The following AGBL4 variants were observed in gnomAD, a reference collection of about 807,000 sequenced individuals.
AGBL4 encodes the protein cytosolic carboxypeptidase 6.
In AGBL4, 58 loss-of-function variants were observed where a neutral mutation model predicts 66.4. The ratio of observed to expected loss-of-function variants is 0.87; its 90% CI spans 0.71 to 1.09. The LOEUF (loss-of-function observed/expected upper bound fraction) is 1.09. AGBL4 is among the 50% of genes least tolerant of loss of function. The pLI is 0.00. For missense variants in AGBL4, 579 were observed against 631.0 expected, an observed-to-expected ratio of 0.92 and a Z score of 0.88; for synonymous variants, 234 against 222.9, an observed-to-expected ratio of 1.05 and a Z score of -0.44.
chr1:49,556,036 C>T lies in AGBL4; in HGVS notation c.282+141277G>A, dbSNP rs1653415150. ...CAACTATCCCATTACTGGGTATATA[C>T]CCAAAGGATTATAAATCATGCTGCT... is the stretch of plus-strand genomic sequence containing the variant. On this transcript the variant is annotated intron_variant, in intron 3 of 13. Coordinates refer to ENST00000371839, the MANE Select transcript of AGBL4 (RefSeq NM_032785.4). Among the ~76,000 whole-genome samples the T allele has an allele frequency of 2.0e-5, 3 of 152,198 alleles. No homozygotes were observed. In the South Asian group the frequency reaches 6.2e-4, roughly 32 times the overall value.
intron 1 of AGBL4, among the ~76,000 whole-genome samples, chr1:49,879,996 T>C (rs1326996357): frequency 4.0e-5 from 6 of 150,132 alleles, no homozygotes; most frequent in Non-Finnish European, 8.9e-5. Context: ...TCTCGAGCCT[T>C]GGTTTTCAGC....
chr1:48,954,689 A>T (rs1397791582), intron 5 of AGBL4, among the ~76,000 whole-genome samples: 1 of 152,218 alleles, frequency 6.6e-6, no homozygotes, highest in African/African-American at 2.4e-5. Flanking sequence ...AGTATGATGT[A>T]AACTTGAGCT....
intron 3 of AGBL4, among the ~76,000 whole-genome samples, chr1:49,454,568 G>T (rs1005842919): frequency 2.6e-5 from 4 of 151,716 alleles, no homozygotes; most frequent in Admixed American, 6.6e-5. Flanking sequence ...GAAAATTTGG[G>T]CTGGGATTGA....
At chr1:49,014,063 TAAA>T (rs375726378) in intron 5 of AGBL4, among the ~76,000 whole-genome samples, 1 of 152,302 alleles carries the variant, frequency 6.6e-6, no homozygotes, top group East Asian at 1.9e-4. Flanking sequence ...TCTAATGCAA[TAAA>T]AAAACCCTGA....
chr1:49,676,879 C>T (rs1227014466), intron 3 of AGBL4, among the ~76,000 whole-genome samples: 4 of 151,994 alleles, frequency 2.6e-5, no homozygotes, highest in Non-Finnish European at 4.4e-5. Context: ...TGTAACATTG[C>T]TTCTTAATAA....
chr1:50,016,025 C>T (rs1661952411), intron 1 of AGBL4, among the ~76,000 whole-genome samples: 1 of 152,070 alleles, frequency 6.6e-6, no homozygotes. Flanking sequence ...TGTAAAAACC[C>T]TAAAGAAAAC....
chr1:48,945,006 A>G (rs1358447975), intron 5 of AGBL4, among the ~76,000 whole-genome samples: 1 of 152,200 alleles, frequency 6.6e-6, no homozygotes, highest in African/African-American at 2.4e-5. Flanking sequence ...GGTGACAATC[A>G]TGGAAACTAT....
chr1:49,979,633 T>C lies in AGBL4; in HGVS notation c.34+44130A>G, dbSNP rs566441280. 3.9e-5 allele frequency among the ~76,000 whole-genome samples: 6 copies of C among 152,318 alleles called. No individual in the cohort carries two copies. The East Asian group carries it at 1.2e-3, about 29-fold the overall frequency. ...TAACCACTTCCTGTTGCTTTTGTGGTGAGCTCAAGGGTTGCAAATATCTGC... is the reference window on the plus strand; with the variant it reads ...TAACCACTTCCTGTTGCTTTTGTGGCGAGCTCAAGGGTTGCAAATATCTGC... On this transcript the variant is annotated intron_variant, in intron 1 of 13. Transcript: ENST00000371839.
intron 6 of AGBL4, among the ~76,000 whole-genome samples, chr1:48,685,231 T>C (rs546685124): frequency 6.6e-6 from 1 of 152,378 alleles, no homozygotes; most frequent in Non-Finnish European, 1.5e-5. Flanking sequence ...CTCTAATTTC[T>C]AAGTATTGGA....
At chr1:49,912,070 G>A (rs752247445) in intron 1 of AGBL4, among the ~76,000 whole-genome samples, 7 of 152,164 alleles carry the variant, frequency 4.6e-5, no homozygotes, top group African/African-American at 7.2e-5. Context: ...TTCCATCTGC[G>A]CTAAGACCTG....
chr1:48,714,408 C>T (rs1264367609), intron 6 of AGBL4, among the ~76,000 whole-genome samples: 2 of 152,222 alleles, frequency 1.3e-5, no homozygotes, highest in African/African-American at 4.8e-5. Flanking sequence ...ATCACTGGGT[C>T]TTCCTTTTCT....
intron 5 of AGBL4, among the ~76,000 whole-genome samples, chr1:48,901,803 G>A (rs962329759): frequency 2.0e-5 from 3 of 152,234 alleles, no homozygotes; most frequent in African/African-American, 7.2e-5. Context: ...GGAAAAGTTT[G>A]AGGGTGGTAT....
intron 6 of AGBL4, among the ~76,000 whole-genome samples, chr1:48,740,471 G>T (rs1305834872): frequency 6.6e-6 from 1 of 152,236 alleles, no homozygotes; most frequent in East Asian, 1.9e-4. Flanking sequence ...ATGAGTTTTT[G>T]AAATAAAACA....
intron 3 of AGBL4, among the ~76,000 whole-genome samples, chr1:49,417,900 T>C (rs1388655806): frequency 6.6e-6 from 1 of 152,194 alleles, no homozygotes; most frequent in Non-Finnish European, 1.5e-5. Flanking sequence ...TCATTTTAAT[T>C]TTCTAAATGG....
intron 6 of AGBL4, among the ~76,000 whole-genome samples, chr1:48,781,468 C>T (rs566201455): frequency 4.8e-4 from 73 of 152,314 alleles, no homozygotes; most frequent in African/African-American, 1.7e-3. Context: ...TAGCCCTGGG[C>T]TTTACACATA....
chr1:48,531,014 G>C (rs1242800361), downstream of AGBL4, among the ~76,000 whole-genome samples: 1 of 152,142 alleles, frequency 6.6e-6, no homozygotes, highest in Non-Finnish European at 1.5e-5. Flanking sequence ...TTCCCCTCTA[G>C]CTTGAGGTCA....
At chr1:49,592,683 A>G (rs1644774346) in intron 3 of AGBL4, among the ~76,000 whole-genome samples, 1 of 152,188 alleles carries the variant, frequency 6.6e-6, no homozygotes, top group African/African-American at 2.4e-5. Context: ...CAAAACCACA[A>G]TGAGATATCA....
chr1:49,662,992 T>C (rs1173390532), intron 3 of AGBL4, among the ~76,000 whole-genome samples: 1 of 152,104 alleles, frequency 6.6e-6, no homozygotes, highest in Non-Finnish European at 1.5e-5. Flanking sequence ...TCTTGGCACA[T>C]ACTGGGTTTA....
intron 3 of AGBL4, among the ~76,000 whole-genome samples, chr1:49,315,284 A>G (rs967881942): frequency 1.3e-5 from 2 of 152,106 alleles, no homozygotes; most frequent in African/African-American, 2.4e-5. Flanking sequence ...CTAAAACCAT[A>G]AAAACCCTAG....
Sources: gnomAD v4.1 joint callset for allele counts (sites outside exome capture counted in the v4.1 genomes callset) on GRCh38, gnomAD v4.1.1 for gene constraint, MANE v1.5 for transcripts, NCBI Gene and HGNC (gene_info 2026-07-23, HGNC 2026-07-21) for gene names.